Variants in KIAA1549L observed in about 807,000 individuals in gnomAD.
The protein encoded by KIAA1549L is UPF0606 protein KIAA1549L.
A neutral mutation model predicts 160.7 loss-of-function variants in KIAA1549L; 88 were observed. The ratio of observed to expected loss-of-function variants is 0.55; its 90% CI spans 0.46 to 0.65. The LOEUF is 0.65. KIAA1549L is among the 30% of genes least tolerant of loss of function. KIAA1549L has a pLI of 0.00. For missense variants in KIAA1549L, 2,258 were observed against 2,437.5 expected, an observed-to-expected ratio of 0.93 and a Z score of 1.55; for synonymous variants, 950 against 976.7, an observed-to-expected ratio of 0.97 and a Z score of 0.51.
At chr11:33,620,223 T>C (rs866662845) in intron 16 of KIAA1549L, among the ~76,000 whole-genome samples, 6 of 152,292 alleles carry the variant, frequency 3.9e-5, no homozygotes, top group Middle Eastern at 3.4e-3. Flanking sequence ...AGACAGATAA[T>C]TTTTAGGAGG....
In KIAA1549L at chr11:33,622,644, G is replaced by T. The variant is rs550052923; in HGVS notation, c.5409+3982G>T. On this transcript the variant is annotated intron_variant, in intron 16 of 20. Transcript: ENST00000658780. ...ATCCACAGCCACAACCTCCTGGAAC[G>T]CCAGGAGATAGAAATTAGCCATTTA... 3.9e-5 allele frequency among the ~76,000 whole-genome samples: 6 copies of T among 152,260 alleles called. No individual in the cohort carries two copies. In the South Asian group the frequency reaches 8.3e-4, roughly 21 times the overall value.
At chr11:33,653,922 ATTC>A (rs1394020621) in intron 17 of KIAA1549L, among the ~76,000 whole-genome samples, 2 of 133,290 alleles carry the variant, frequency 1.5e-5, no homozygotes, top group Non-Finnish European at 3.2e-5. Context: ...TGAAAGTTCT[ATTC>A]TTTTTCAAAT....
chr11:33,449,604 A>G (rs1267134306), intron 1 of KIAA1549L, among the ~76,000 whole-genome samples: 1 of 152,162 alleles, frequency 6.6e-6, no homozygotes, highest in East Asian at 1.9e-4. Flanking sequence ...TTGCGCTGGT[A>G]CATGTCTGCC....
intron 1 of KIAA1549L, among the ~76,000 whole-genome samples, chr11:33,508,604 C>T (rs1853148831): frequency 6.6e-6 from 1 of 152,162 alleles, no homozygotes; most frequent in South Asian, 2.1e-4. Flanking sequence ...ATGTACTTTT[C>T]CCCATGACCC....
chr11:33,521,398 G>C (rs1448349686), intron 1 of KIAA1549L, among the ~76,000 whole-genome samples: 1 of 152,160 alleles, frequency 6.6e-6, no homozygotes, highest in Non-Finnish European at 1.5e-5. Flanking sequence ...TTCTGTGCCT[G>C]CATCTGCATC....
intron 1 of KIAA1549L, among the ~76,000 whole-genome samples, chr11:33,516,146 T>C (rs1205469610): frequency 3.5e-4 from 13 of 37,628 alleles, no homozygotes; most frequent in East Asian, 1.3e-3. Context: ...ATTCTTTTTT[T>C]TTTTTTTTTT....
chr11:33,583,371 T>A lies in KIAA1549L; in HGVS notation c.4436T>A (p.Ile1479Asn). 1 of 1,606,276 alleles carries A rather than the reference T, an allele frequency of 6.2e-7. No homozygotes were observed. The highest frequency in any genetic ancestry group is 1.1e-5 in the South Asian group (1 of 89,050). ...VVKNPPNNLW[I>N]IAAVLAPIAV... ...AAGAACCCGCCCAATAACCTGTGGA[T>A]CATCGCTGCAGTGCTGGCGCCCATT... The change falls in exon 11 of 21, where the codon ATC (isoleucine) becomes AAC (asparagine). Residue 1479 changes from isoleucine to asparagine, a missense_variant. Transcript: ENST00000658780.
intron 17 of KIAA1549L, among the ~76,000 whole-genome samples, chr11:33,650,509 G>A (rs992231633): frequency 1.3e-5 from 2 of 152,154 alleles, no homozygotes; most frequent in African/African-American, 4.8e-5. Context: ...TAGGGGGAAG[G>A]CTGCAGTATC....
intron 7 of KIAA1549L, among the ~76,000 whole-genome samples, chr11:33,561,219 A>G (rs2133218977): frequency 6.6e-6 from 1 of 152,370 alleles, no homozygotes; most frequent in South Asian, 2.1e-4. Context: ...AGAAAGCTAC[A>G]GCAAAGACAG....
At chr11:33,442,450 C>G (rs913942880) in intron 1 of KIAA1549L, among the ~76,000 whole-genome samples, 2 of 152,094 alleles carry the variant, frequency 1.3e-5, no homozygotes, top group African/African-American at 4.8e-5. Flanking sequence ...TTTTCCAATT[C>G]TGTGAAGAAA....
chr11:33,544,182 T>G lies in KIAA1549L; in HGVS notation c.2619T>G (p.Ser873Arg), dbSNP rs1339262534. Residue 873 changes from serine (S) to arginine (R), a missense_variant, in exon 2 of 21, where the codon AGT becomes AGG. By Grantham distance (110) the Ser-to-Arg change is moderately radical. Transcript: ENST00000658780. ...DGTDTGSEISSDINSSPERNA... is the reference protein window; with the variant it reads ...DGTDTGSEISRDINSSPERNA... ...CAGATACAGGTTCTGAAATTTCCAG[T>G]GACATCAATTCATCACCTGAGAGAA... 1.2e-6 allele frequency: 2 copies of G among 1,613,896 alleles called. No individual in the cohort carries two copies. The highest frequency in any genetic ancestry group is 1.7e-6 in the Non-Finnish European group (2 of 1,179,906).
At chr11:33,518,175 A>G (rs1853397857) in intron 1 of KIAA1549L, among the ~76,000 whole-genome samples, 1 of 149,998 alleles carries the variant, frequency 6.7e-6, no homozygotes, top group Non-Finnish European at 1.5e-5. Context: ...AAGACATAGC[A>G]AAGGGAAAAT....
At chr11:33,394,054 C>T (rs1290380842) in intron 1 of KIAA1549L, among the ~76,000 whole-genome samples, 3 of 152,162 alleles carry the variant, frequency 2.0e-5, no homozygotes, top group Non-Finnish European at 4.4e-5. Context: ...GTACTAACTT[C>T]TCTCCACAGA....
chr11:33,421,226 G>A (rs929046131), intron 1 of KIAA1549L, among the ~76,000 whole-genome samples: 1 of 117,868 alleles, frequency 8.5e-6, no homozygotes, highest in Admixed American at 1.2e-4. Context: ...TGACTCAGAG[G>A]CTAATTAGAA....
At chr11:33,654,739 T>TTTTG in intron 17 of KIAA1549L, among the ~76,000 whole-genome samples, 1 of 152,288 alleles carries the variant, frequency 6.6e-6, no homozygotes, top group South Asian at 2.1e-4. Context: ...CAGCTCATGG[T>TTTTG]TTTGTTTTAG....
chr11:33,396,270 A>G (rs1284216574), intron 1 of KIAA1549L, among the ~76,000 whole-genome samples: 1 of 152,200 alleles, frequency 6.6e-6, no homozygotes, highest in Non-Finnish European at 1.5e-5. Context: ...CTGGAGTTGC[A>G]GGAGCTTAGC....
chr11:33,644,680 A>G lies in KIAA1549L; in HGVS notation c.5410-1006A>G, dbSNP rs1851669507. On this transcript the variant is annotated intron_variant, in intron 16 of 20. Coordinates refer to ENST00000658780, the MANE Select transcript of KIAA1549L (RefSeq NM_012194.3). ...AAGTTAAAGTAACTCTCCTGGTTGG[A>G]ATGTTTTGAACACCCTGTCTTTTAT... is the stretch of plus-strand genomic sequence containing the variant. Among the ~76,000 whole-genome samples, 4 of 152,238 alleles carry G rather than the reference A, an allele frequency of 2.6e-5. No homozygotes were observed. The South Asian group carries it at 8.3e-4, about 31-fold the overall frequency.
In KIAA1549L at chr11:33,573,324, T is replaced by C. The variant is rs1855331517; in HGVS notation, c.4231-1378T>C. ...CTTCAGAGTTTAGAGTGAATCTGAA[T>C]TTTGTATTAAATCATTCCCATATTT... On this transcript the variant is annotated intron_variant, in intron 9 of 20. Coordinates refer to ENST00000658780, the MANE Select transcript of KIAA1549L (RefSeq NM_012194.3). 3.3e-5 allele frequency among the ~76,000 whole-genome samples: 5 copies of C among 152,162 alleles called. No individual in the cohort carries two copies. The South Asian group carries it at 1.0e-3, about 32-fold the overall frequency.
chr11:33,551,898 T>C (rs970635132), intron 5 of KIAA1549L, among the ~76,000 whole-genome samples: 25 of 152,248 alleles, frequency 1.6e-4, no homozygotes, highest in African/African-American at 6.0e-4. Flanking sequence ...AGGGAATCTC[T>C]GGTTCGATCG....
Sources: allele counts gnomAD v4.1 joint callset (sites outside exome capture counted in the v4.1 genomes callset), GRCh38; gene constraint gnomAD v4.1.1; transcripts MANE v1.5; gene names NCBI Gene and HGNC (gene_info 2026-07-23, HGNC 2026-07-21).